The following EIF3CL variants were observed in gnomAD, a reference collection of about 807,000 sequenced individuals.
The protein encoded by EIF3CL is eukaryotic translation initiation factor 3 subunit C-like protein.
For missense variants in EIF3CL, 5 were observed against 56.1 expected (o/e 0.09, Z 2.91); for synonymous variants, 2 against 19.6 (o/e 0.10, Z 2.37).
At chr16:28,396,693 T>C (rs1323888007) in intron 8 of EIF3CL, among the ~76,000 whole-genome samples, 1 of 73,882 alleles carries the variant, frequency 1.4e-5, no homozygotes, top group East Asian at 2.8e-4. Flanking sequence ...AAAAAAAACT[T>C]TAAACAAGTG....
the EIF3CL span, chr16:28,414,906 G>A: frequency 2.3e-4 from 117 of 517,116 alleles, 9 homozygotes; most frequent in South Asian, 8.8e-4. Context: ...TATCGACGCC[G>A]GCCTCCGGGT....
rs1438444736 is a variant in EIF3CL, at chr16:28,385,315, G to C, written c.1822-1834C>G. Among the ~76,000 whole-genome samples the C allele has an allele frequency of 2.3e-5, 3 of 131,234 alleles. 1 individual carries two copies. The highest frequency in any genetic ancestry group is 5.2e-5 in the Non-Finnish European group (3 of 57,976). 86.1% of individuals were successfully genotyped at this position (131,234 alleles called of 152,430 possible). ...CTCACAGTTATTCATTATATGAATAGAATGAAGGAGAAGTAACCGGGTATT... is the reference window on the plus strand; with the variant it reads ...CTCACAGTTATTCATTATATGAATACAATGAAGGAGAAGTAACCGGGTATT... On this transcript the variant is annotated intron_variant, in intron 15 of 20. Transcript: ENST00000380876.
chr16:28,421,789 G>A, the EIF3CL span, among the ~76,000 whole-genome samples: 5 of 131,120 alleles, frequency 3.8e-5, no homozygotes, highest in Non-Finnish European at 6.7e-5. Context: ...TCTGGCCTGG[G>A]CACCAGAGCA....
the EIF3CL span, among the ~76,000 whole-genome samples, chr16:28,417,207 C>G: frequency 6.7e-6 from 1 of 148,528 alleles, no homozygotes; most frequent in East Asian, 2.0e-4. Flanking sequence ...GGTCAGCCCC[C>G]CTGCCCGGCG....
At position 28,385,504 on chromosome 16, in the gene EIF3CL, T is replaced by A; in HGVS notation, c.1822-2023A>T. Among the ~76,000 whole-genome samples the A allele has an allele frequency of 1.9e-5, 2 of 107,296 alleles. 1 individual carries two copies. The allele number at this position is 107,296 out of a possible 152,430, so 70.4% of individuals were successfully genotyped here. A position where few individuals can be genotyped will look rare whatever the true frequency, so the allele number is the denominator to read the frequency against. On this transcript the variant is annotated intron_variant, in intron 15 of 20. Coordinates refer to ENST00000380876, the MANE Select transcript of EIF3CL (RefSeq NM_001317857.2). ...CCACTATGCCTGACTAGTTTCTGTA[T>A]TTTTTGTAGAGACAGGGTTTTGTTA...
chr16:28,422,709 C>A, the EIF3CL span, among the ~76,000 whole-genome samples: 1 of 142,210 alleles, frequency 7.0e-6, no homozygotes, highest in African/African-American at 2.6e-5. Flanking sequence ...TGGTGGCGGG[C>A]ACCTGTAATC....
chr16:28,410,795 G>A, the EIF3CL span, among the ~76,000 whole-genome samples: 1 of 140,294 alleles, frequency 7.1e-6, no homozygotes, highest in African/African-American at 2.7e-5. Flanking sequence ...GACGGGGGGG[G>A]CCTCACTATG....
chr16:28,381,327 CG>C (rs2045574280), intron 16 of EIF3CL, among the ~76,000 whole-genome samples: 1 of 127,212 alleles, frequency 7.9e-6, no homozygotes, highest in East Asian at 3.1e-4. Flanking sequence ...TGCTTGAACC[CG>C]GGAGGCAGAA....
the EIF3CL span, among the ~76,000 whole-genome samples, chr16:28,416,936 G>T: frequency 1.0e-5 from 1 of 100,010 alleles, no homozygotes; most frequent in Non-Finnish European, 2.2e-5. Context: ...GAGGTGAGGG[G>T]CGCCTCTGCC....
At chr16:28,418,627 C>T in the EIF3CL span, among the ~76,000 whole-genome samples, 13 of 131,620 alleles carry the variant, frequency 9.9e-5, no homozygotes, top group Admixed American at 9.8e-4. Context: ...TAAACGCCTG[C>T]CCATTCAAGT....
At chr16:28,403,192 G>C (rs1361281190) in intron 2 of EIF3CL, among the ~76,000 whole-genome samples, 1 of 116,048 alleles carries the variant, frequency 8.6e-6, no homozygotes, top group African/African-American at 3.0e-5. Flanking sequence ...TGTGAGCAGT[G>C]AGAAGTCACT....
the EIF3CL span, among the ~76,000 whole-genome samples, chr16:28,416,298 T>A: frequency 3.9e-4 from 1 of 2,536 alleles, no homozygotes; most frequent in Admixed American, 4.3e-3. Flanking sequence ...TGTCTCTGCC[T>A]GGCCGCCCAT....
the EIF3CL span, among the ~76,000 whole-genome samples, chr16:28,417,872 CAAAAAAAAAA>C: frequency 9.1e-5 from 10 of 109,674 alleles, no homozygotes; most frequent in African/African-American, 2.9e-4. Context: ...TTTAGGAATG[CAAAAAAAAAA>C]AAAAAAAAAA....
the EIF3CL span, among the ~76,000 whole-genome samples, chr16:28,423,852 T>C: frequency 8.7e-6 from 1 of 114,776 alleles, no homozygotes; most frequent in Admixed American, 1.1e-4. Flanking sequence ...GACGGAGTCT[T>C]GCTCTGTTGC....
the EIF3CL span, among the ~76,000 whole-genome samples, chr16:28,416,834 G>T: frequency 1.2e-5 from 1 of 84,294 alleles, no homozygotes; most frequent in Non-Finnish European, 2.7e-5. Context: ...CCCCTACTGG[G>T]AAGTGAGGAG....
the EIF3CL span, among the ~76,000 whole-genome samples, chr16:28,415,853 C>T: frequency 2.7e-5 from 3 of 110,198 alleles, 1 homozygote; most frequent in African/African-American, 1.0e-4. Flanking sequence ...TCTCCCTCTC[C>T]GTCTCCGTCT....
the EIF3CL span, chr16:28,414,971 C>T: frequency 8.3e-3 from 4,058 of 489,502 alleles, 354 homozygotes; most frequent in Non-Finnish European, 0.013. Flanking sequence ...GTTCAGGGAC[C>T]GGCTGCTGGA....
At chr16:28,425,956 ACTGTAGTCTCAG>A in the EIF3CL span, among the ~76,000 whole-genome samples, 2 of 98,900 alleles carry the variant, frequency 2.0e-5, no homozygotes, top group African/African-American at 7.2e-5. Flanking sequence ...GTGGCACGCA[ACTGTAGTCTCAG>A]CTACCTGGGA....
the EIF3CL span, among the ~76,000 whole-genome samples, chr16:28,417,897 G>C: frequency 5.3e-4 from 60 of 113,632 alleles, no homozygotes; most frequent in Non-Finnish European, 9.1e-4. Context: ...AAAAAAATTA[G>C]CCAGGCGTGG....
Sources: gnomAD v4.1 joint callset for allele counts (sites outside exome capture counted in the v4.1 genomes callset) on GRCh38, gnomAD v4.1.1 for gene constraint, MANE v1.5 for transcripts, NCBI Gene and HGNC (gene_info 2026-07-23, HGNC 2026-07-21) for gene names.